RMND1: variants seen among roughly 807,000 people sequenced by gnomAD.
The protein encoded by RMND1 is required for meiotic nuclear division 1 homolog.
RMND1 carries 41 observed loss-of-function variants against 54.0 expected under a neutral mutation model. That is an observed-to-expected ratio of 0.76 (90% confidence interval 0.59 to 0.98). The LOEUF (loss-of-function observed/expected upper bound fraction) is 0.98, where lower values mean the gene tolerates loss of function less well. Among genes scored for constraint, RMND1 ranks in the 50% least tolerant of loss-of-function variants. RMND1 has a pLI of 0.00. For synonymous variants in RMND1, 183 were observed against 181.7 expected (o/e 1.01, Z -0.06); for missense variants, 457 against 532.0 (o/e 0.86, Z 1.39).
intron 10 of RMND1, chr6:151,411,898 T>C (rs1582942561): frequency 6.6e-6 from 1 of 152,138 alleles, no homozygotes; most frequent in African/African-American, 2.4e-5. Flanking sequence ...ATTTTCTCCA[T>C]CTTTTTCAAA....
Position 151,445,440 on chromosome 6 carries a change from CT to C in RMND1, c.371del (p.Lys124ArgfsTer21). 1 of 1,614,184 alleles carries C rather than the reference CT, an allele frequency of 6.2e-7. No homozygotes were observed. Among genetic ancestry groups the C allele is most frequent in the Non-Finnish European group, 8.5e-7 (1 of 1,180,030 alleles). ...LGSKWFIKIL[K>X]RHFSSVSTET... ...CCGTTGATACAGATGAGAAATGCCT[CT>C]TTAATATTTTTATAAACCATTTAGA... On this transcript the variant is annotated frameshift_variant, in exon 2 of 12. Coordinates refer to ENST00000444024, the MANE Select transcript of RMND1 (RefSeq NM_017909.4). LOFTEE classifies it high-confidence loss of function.
At chr6:151,440,318 T>C (rs1053805962) in intron 2 of RMND1, among the ~76,000 whole-genome samples, 2 of 152,182 alleles carry the variant, frequency 1.3e-5, no homozygotes, top group Admixed American at 6.5e-5. Flanking sequence ...GAGATAAAAA[T>C]AAAAGGCTCA....
intron 3 of RMND1, 187 bp downstream of exon 3, chr6:151,436,259 G>T: frequency 1.7e-6 from 1 of 592,310 alleles, no homozygotes. Flanking sequence ...TGATTTTAAT[G>T]AGTTCTCTGT....
chr6:151,434,705 A>G (rs1325350550), intron 3 of RMND1, among the ~76,000 whole-genome samples: 1 of 152,200 alleles, frequency 6.6e-6, no homozygotes, highest in Non-Finnish European at 1.5e-5. Flanking sequence ...TATTTCAACT[A>G]TCTTCTATGG....
chr6:151,424,207 C>T (rs1023538355), intron 6 of RMND1, among the ~76,000 whole-genome samples: 47 of 152,066 alleles, frequency 3.1e-4, no homozygotes, highest in African/African-American at 1.1e-3. Flanking sequence ...ACGCCTGTAA[C>T]CCCAGCACTC....
chr6:151,413,850 A>G (rs1779926534), intron 10 of RMND1: 1 of 152,216 alleles, frequency 6.6e-6, no homozygotes, highest in Non-Finnish European at 1.5e-5. Flanking sequence ...AAAGCAACAT[A>G]GCTTGGTTTT....
At chr6:151,409,863 A>G (rs1002862414) in intron 10 of RMND1, among the ~76,000 whole-genome samples, 1 of 152,184 alleles carries the variant, frequency 6.6e-6, no homozygotes, top group African/African-American at 2.4e-5. Flanking sequence ...TTCAGGGGAT[A>G]CTGACGTGAG....
At chr6:151,433,611 A>G (rs2114954477) in intron 3 of RMND1, among the ~76,000 whole-genome samples, 1 of 152,304 alleles carries the variant, frequency 6.6e-6, no homozygotes, top group East Asian at 1.9e-4. Context: ...TTGAAGAAGT[A>G]TTAATATATT....
chr6:151,425,888 C>T (rs2040535609), intron 6 of RMND1, among the ~76,000 whole-genome samples: 1 of 151,374 alleles, frequency 6.6e-6, no homozygotes, highest in South Asian at 2.1e-4. Context: ...CCCATCTGGT[C>T]TTTCTATAGC....
intron 5 of RMND1, among the ~76,000 whole-genome samples, chr6:151,429,043 T>G (rs1241186193): frequency 6.6e-6 from 1 of 152,196 alleles, no homozygotes; most frequent in Non-Finnish European, 1.5e-5. Context: ...TGTGTGTGTT[T>G]CCTTTTCGTA....
intron 2 of RMND1, among the ~76,000 whole-genome samples, chr6:151,441,499 G>A (rs544543122): frequency 6.6e-6 from 1 of 152,126 alleles, no homozygotes; most frequent in Admixed American, 6.5e-5. Context: ...GCTTCAGGAT[G>A]GGGGGTGGTT....
intron 6 of RMND1, among the ~76,000 whole-genome samples, chr6:151,426,932 G>C (rs1396642442): frequency 6.7e-6 from 1 of 148,582 alleles, no homozygotes; most frequent in Non-Finnish European, 1.5e-5. Flanking sequence ...ACCATAACCA[G>C]CTAATTTTTG....
intron 2 of RMND1, among the ~76,000 whole-genome samples, chr6:151,443,307 A>G (rs2114968333): frequency 6.6e-6 from 1 of 152,198 alleles, no homozygotes; most frequent in East Asian, 1.9e-4. Flanking sequence ...CACTTTAGAA[A>G]CATGATTTTC....
intron 10 of RMND1, among the ~76,000 whole-genome samples, chr6:151,409,689 T>C (rs1476803756): frequency 6.6e-6 from 1 of 152,076 alleles, no homozygotes; most frequent in Non-Finnish European, 1.5e-5. Context: ...ATGAGGAAGA[T>C]CTGTGAGATT....
intron 10 of RMND1, among the ~76,000 whole-genome samples, chr6:151,407,076 C>T (rs765917737): frequency 3.3e-5 from 5 of 152,012 alleles, no homozygotes; most frequent in Non-Finnish European, 2.9e-5. Flanking sequence ...ATTGCTTGAG[C>T]TCAGGTGGTC....
intron 1 of RMND1, among the ~76,000 whole-genome samples, chr6:151,446,423 A>G (rs951746950): frequency 5.2e-5 from 6 of 115,920 alleles, no homozygotes; most frequent in Non-Finnish European, 1.1e-4. Context: ...CTGTCTCAGG[A>G]AAAAAAAAAA....
rs1258941551 is a variant in RMND1, at chr6:151,405,788, G to T, written c.1249C>A (p.Arg417=). The T allele has an allele frequency of 6.2e-7, 1 of 1,612,174 alleles. No individual in the cohort carries two copies. The highest frequency in any genetic ancestry group is 1.7e-4 in the Middle Eastern group (1 of 6,054). Residue 417 remains arginine, a synonymous_variant, in exon 11 of 12, where the codon CGG becomes AGG. Transcript: ENST00000444024. The part of the protein sequence containing the change: ...QHCMELTDLM[R]NHLNEKRALR... The stretch of plus-strand genomic sequence containing the variant: ...GCCCTCTTCTCATTCAGGTGATTCC[G>T]CATTAGATCTGTTAGTTCCATGCAG...
chr6:151,448,998 A>T (rs887164349), intron 1 of RMND1, among the ~76,000 whole-genome samples: 2 of 139,834 alleles, frequency 1.4e-5, no homozygotes, highest in African/African-American at 5.4e-5. Context: ...AATGGCTTGA[A>T]TCTGGGAGGC....
chr6:151,422,920 T>C (rs778539425), intron 7 of RMND1, among the ~76,000 whole-genome samples: 5 of 152,044 alleles, frequency 3.3e-5, no homozygotes, highest in African/African-American at 1.2e-4. Context: ...GCTCTGCAGA[T>C]AGGGCGCGAC....
Sources: gnomAD v4.1 joint callset for allele counts (sites outside exome capture counted in the v4.1 genomes callset) on GRCh38, gnomAD v4.1.1 for gene constraint, MANE v1.5 for transcripts, NCBI Gene and HGNC (gene_info 2026-07-23, HGNC 2026-07-21) for gene names.